Variants in VKORC1L1 observed in about 807,000 individuals in gnomAD.
VKORC1L1 encodes vitamin K epoxide reductase complex subunit 1L1.
VKORC1L1 carries 2 observed loss-of-function variants against 18.9 expected under a neutral mutation model. The observed-to-expected ratio is 0.11, with a 90% CI of 0.04 to 0.33. VKORC1L1 has a LOEUF of 0.33. VKORC1L1 is among the 10% of genes least tolerant of loss of function. The pLI is 1.00. For missense variants in VKORC1L1, 123 were observed against 224.1 expected, an observed-to-expected ratio of 0.55 and a Z score of 2.88; for synonymous variants, 96 against 100.0, an observed-to-expected ratio of 0.96 and a Z score of 0.24.
intron 1 of VKORC1L1, among the ~76,000 whole-genome samples, chr7:65,913,990 C>T (rs1464334441): frequency 1.3e-5 from 2 of 152,010 alleles, no homozygotes; most frequent in Non-Finnish European, 2.9e-5. Flanking sequence ...GGAATGGCCT[C>T]TTGACACACC....
At chr7:65,890,350 C>T (rs1789091805) in intron 1 of VKORC1L1, among the ~76,000 whole-genome samples, 1 of 152,122 alleles carries the variant, frequency 6.6e-6, no homozygotes, top group African/African-American at 2.4e-5. Flanking sequence ...CCAGGATGGT[C>T]TCTATCTCCT....
At chr7:65,926,077 A>G (rs917792176) in intron 1 of VKORC1L1, among the ~76,000 whole-genome samples, 2 of 152,082 alleles carry the variant, frequency 1.3e-5, no homozygotes, top group African/African-American at 4.8e-5. Context: ...ACCTATGGTA[A>G]CATATGTTGG....
At position 65,955,640 on chromosome 7, in the gene VKORC1L1, C is replaced by G. The variant is rs1402709337; in HGVS notation, c.*1340C>G. The G allele has an allele frequency of 1.3e-5, 2 of 152,204 alleles. No homozygotes were observed. Among genetic ancestry groups the G allele is most frequent in the African/African-American group, 4.8e-5 (2 of 41,454 alleles). 9.4% of individuals were successfully genotyped at this position (152,204 alleles called of 1,614,324 possible). A position where few individuals can be genotyped will look rare whatever the true frequency, so the allele number is the denominator to read the frequency against. On this transcript the variant is annotated 3_prime_UTR_variant, in exon 3 of 3. Transcript: ENST00000360768. ...TAAAAGTGCCTTCTGTCTTAAATCT[C>G]AAACCAAATATTTTGTGTGTTGACC...
At chr7:65,898,389 G>T (rs1373572317) in intron 1 of VKORC1L1, among the ~76,000 whole-genome samples, 1 of 152,006 alleles carries the variant, frequency 6.6e-6, no homozygotes, top group Admixed American at 6.6e-5. Flanking sequence ...CGGCCAGGTA[G>T]CAGCTCCTAA....
chr7:65,881,703 T>G (rs960583403), intron 1 of VKORC1L1, among the ~76,000 whole-genome samples: 5 of 152,196 alleles, frequency 3.3e-5, no homozygotes, highest in Non-Finnish European at 7.3e-5. Context: ...AACTCAGGAT[T>G]GGAGGAATTT....
rs557787447 is a variant in VKORC1L1, at chr7:65,904,924, G to A, written c.194+31359G>A. On this transcript the variant is annotated intron_variant, in intron 1 of 2. Transcript: ENST00000360768. ...TATATGTGTGTATACATTTCTTCCT[G>A]TGTATGTATGTATATATGTATGTTA... Among the ~76,000 whole-genome samples, 286 of 151,920 alleles carry A rather than the reference G, an allele frequency of 1.9e-3. 3 individuals are homozygous for A. Among genetic ancestry groups the A allele is most frequent in the African/African-American group, 6.7e-3 (279 of 41,402 alleles).
chr7:65,907,551 A>T (rs1435030388), intron 1 of VKORC1L1, among the ~76,000 whole-genome samples: 3 of 152,228 alleles, frequency 2.0e-5, no homozygotes, highest in African/African-American at 7.2e-5. Flanking sequence ...AGCTAGAAAG[A>T]GAAATGTAGA....
chr7:65,947,114 C>T (rs1289012788), intron 1 of VKORC1L1, among the ~76,000 whole-genome samples: 2 of 152,020 alleles, frequency 1.3e-5, no homozygotes, highest in Non-Finnish European at 2.9e-5. Flanking sequence ...GTAGCCTGGG[C>T]AACAGAGGAA....
intron 1 of VKORC1L1, among the ~76,000 whole-genome samples, chr7:65,911,252 T>G (rs1237694399): frequency 6.6e-6 from 1 of 152,250 alleles, no homozygotes; most frequent in Admixed American, 6.5e-5. Context: ...TTAAAAAGAA[T>G]GTAAACTTCA....
chr7:65,879,646 C>A, intron 1 of VKORC1L1, among the ~76,000 whole-genome samples: 1 of 85,720 alleles, frequency 1.2e-5, no homozygotes, highest in Admixed American at 1.4e-4. Context: ...TACCACTACT[C>A]TTTCGTCTTC....
chr7:65,895,502 TATATATATATATATAC>T (rs1331238979), intron 1 of VKORC1L1, among the ~76,000 whole-genome samples: 18 of 99,526 alleles, frequency 1.8e-4, no homozygotes, highest in African/African-American at 4.3e-4. Flanking sequence ...TATATATATA[TATATATATATATATAC>T]ACACACACAC....
At chr7:65,933,473 T>C (rs1236777399) in intron 1 of VKORC1L1, among the ~76,000 whole-genome samples, 3 of 152,184 alleles carry the variant, frequency 2.0e-5, no homozygotes, top group African/African-American at 7.2e-5. Flanking sequence ...TTGTGCAAAG[T>C]TTATACAACA....
intron 1 of VKORC1L1, among the ~76,000 whole-genome samples, chr7:65,888,373 ATGT>A (rs1274981556): frequency 3.3e-5 from 5 of 152,182 alleles, no homozygotes; most frequent in Admixed American, 6.6e-5. Context: ...TCAGGTGGAA[ATGT>A]TGTTTTTTTG....
chr7:65,906,452 T>G lies in VKORC1L1; in HGVS notation c.194+32887T>G, dbSNP rs79595543. The stretch of plus-strand genomic sequence containing the variant: ...AGAGTTTTATTTGCAAAGATTACCA[T>G]GTGGGAGTAATCTCTAGACATTTTT... On this transcript the variant is annotated intron_variant, in intron 1 of 2. Transcript: ENST00000360768. Among the ~76,000 whole-genome samples, 14 of 152,264 alleles carry G rather than the reference T, an allele frequency of 9.2e-5. No homozygotes were observed. In the East Asian group the frequency reaches 2.7e-3, roughly 29 times the overall value.
intron 1 of VKORC1L1, among the ~76,000 whole-genome samples, chr7:65,929,682 G>GTGTATATATATATATATATATATATA (rs370107880): frequency 7.8e-6 from 1 of 128,612 alleles, no homozygotes; most frequent in Non-Finnish European, 1.6e-5. Context: ...GTGTGTGTGT[G>GTGTATATATATATATATATATATATA]TATATATATA....
intron 1 of VKORC1L1, among the ~76,000 whole-genome samples, chr7:65,891,629 G>A (rs1479605672): frequency 2.0e-5 from 3 of 151,874 alleles, no homozygotes; most frequent in Admixed American, 6.6e-5. Flanking sequence ...TTCTCTTAAA[G>A]GTGTCTCTTC....
chr7:65,899,383 T>A (rs903252900), intron 1 of VKORC1L1, among the ~76,000 whole-genome samples: 6 of 152,226 alleles, frequency 3.9e-5, no homozygotes, highest in African/African-American at 1.4e-4. Flanking sequence ...GTCTCATATC[T>A]CTGACCTGGA....
chr7:65,953,884 A>C (rs1790251066), intron 2 of VKORC1L1, among the ~76,000 whole-genome samples, 190 bp from the exon 3 acceptor site: 1 of 152,256 alleles, frequency 6.6e-6, no homozygotes, highest in African/African-American at 2.4e-5. Context: ...AAAACCTGGC[A>C]TTATCAACTG....
At chr7:65,912,690 C>T (rs1371773785) in intron 1 of VKORC1L1, among the ~76,000 whole-genome samples, 3 of 152,136 alleles carry the variant, frequency 2.0e-5, no homozygotes, top group Non-Finnish European at 4.4e-5. Flanking sequence ...TACATCAGTG[C>T]TTCTCACATT....
Sources: gnomAD v4.1 joint callset for allele counts (sites outside exome capture counted in the v4.1 genomes callset) on GRCh38, gnomAD v4.1.1 for gene constraint, MANE v1.5 for transcripts, NCBI Gene and HGNC (gene_info 2026-07-23, HGNC 2026-07-21) for gene names.